The following PCDHA3 variants were observed in gnomAD, a reference collection of about 807,000 sequenced individuals.
PCDHA3 encodes protocadherin alpha 3, also known as protocadherin alpha-3.
In PCDHA3, 41 loss-of-function variants were observed where a neutral mutation model predicts 62.2. The ratio of observed to expected loss-of-function variants is 0.66; its 90% CI spans 0.51 to 0.86. PCDHA3 has a LOEUF of 0.86. PCDHA3 is among the 40% of genes least tolerant of loss of function. The pLI is 0.00. For missense variants in PCDHA3, 1,304 were observed against 1,241.2 expected (o/e 1.05, Z -0.76); for synonymous variants, 640 against 555.4 (o/e 1.15, Z -2.14).
In PCDHA3 at chr5:140,829,912, T is replaced by C. The variant is rs145708741; in HGVS notation, c.2394+26321T>C. ...CCGACTCAGGCTACAACGCGTGGCT[T>C]TCGTATGAGCTGCAGCCCCCGGCAA... On this transcript the variant is annotated intron_variant, in intron 1 of 3. Coordinates refer to ENST00000522353, the MANE Select transcript of PCDHA3 (RefSeq NM_018906.3). 24 of 1,613,880 alleles carry C rather than the reference T, an allele frequency of 1.5e-5. No individual in the cohort carries two copies. In the African/African-American group the frequency reaches 3.1e-4, roughly 21 times the overall value.
chr5:140,876,644 C>T, intron 1 of PCDHA3: 2 of 1,614,200 alleles, frequency 1.2e-6, no homozygotes, highest in South Asian at 1.1e-5. Context: ...TCACTGACAC[C>T]TCATGTTCCC....
intron 1 of PCDHA3, among the ~76,000 whole-genome samples, chr5:140,938,121 A>T (rs981387543): frequency 2.0e-5 from 3 of 151,892 alleles, no homozygotes; most frequent in Admixed American, 6.6e-5. Context: ...CTCTTTTTTT[A>T]AAAAAATAGA....
At chr5:140,943,592 T>C (rs900549060) in intron 1 of PCDHA3, among the ~76,000 whole-genome samples, 2 of 152,152 alleles carry the variant, frequency 1.3e-5, no homozygotes, top group African/African-American at 2.4e-5. Flanking sequence ...TGGGGCTGAA[T>C]TCTAAATATA....
chr5:140,890,173 C>T (rs1188650558), intron 1 of PCDHA3, among the ~76,000 whole-genome samples: 4 of 152,114 alleles, frequency 2.6e-5, no homozygotes, highest in African/African-American at 7.2e-5. Context: ...CAGAAATAGG[C>T]AAATGCTACA....
intron 1 of PCDHA3, among the ~76,000 whole-genome samples, chr5:140,933,444 A>T (rs1478759836): frequency 1.3e-5 from 2 of 152,184 alleles, no homozygotes; most frequent in African/African-American, 4.8e-5. Flanking sequence ...CTAATGACAT[A>T]CCTTCAAAAT....
chr5:140,913,942 T>A (rs1489221369), intron 1 of PCDHA3, among the ~76,000 whole-genome samples: 10 of 152,198 alleles, frequency 6.6e-5, no homozygotes, highest in African/African-American at 2.4e-4. Flanking sequence ...GAGAAGAATC[T>A]TGATATGATA....
At chr5:140,841,435 G>A (rs2150315414) in intron 1 of PCDHA3, 1 of 1,612,844 alleles carries the variant, frequency 6.2e-7, no homozygotes, top group South Asian at 1.1e-5. Context: ...TCCCCGAGGA[G>A]GCCAAACACG....
chr5:140,849,665 G>T (rs1255665975), intron 1 of PCDHA3: 1 of 1,598,534 alleles, frequency 6.3e-7, no homozygotes, highest in East Asian at 2.2e-5. Flanking sequence ...GCTCCCTGAC[G>T]CCCCACGTCC....
rs372608018 is a variant in PCDHA3, at chr5:140,875,736, T to C, written c.2394+72145T>C. The C allele has an allele frequency of 2.5e-6, 4 of 1,614,088 alleles. No homozygotes were observed. The African/African-American group carries it at 4.0e-5, about 16-fold the overall frequency. ...AGAATGGCATTTTGTTTGTGAATTCTCGGATCGACCGCGAGAAGCTGTGCG... is the reference window on the plus strand; with the variant it reads ...AGAATGGCATTTTGTTTGTGAATTCCCGGATCGACCGCGAGAAGCTGTGCG... On this transcript the variant is annotated intron_variant, in intron 1 of 3. Transcript: ENST00000522353.
At chr5:140,828,749 C>T (rs2150158539) in intron 1 of PCDHA3, 1 of 1,614,192 alleles carries the variant, frequency 6.2e-7, no homozygotes, top group South Asian at 1.1e-5. Flanking sequence ...TGGGGGCAAA[C>T]CTGAGCTCAC....
At position 140,836,671 on chromosome 5, in the gene PCDHA3, G is replaced by A. The variant is rs146098956; in HGVS notation, c.2394+33080G>A. The A allele has an allele frequency of 1.4e-5, 22 of 1,613,282 alleles. No individual in the cohort carries two copies. The African/African-American group carries it at 2.8e-4, about 21-fold the overall frequency. On this transcript the variant is annotated intron_variant, in intron 1 of 3. Coordinates refer to ENST00000522353, the MANE Select transcript of PCDHA3 (RefSeq NM_018906.3). ...CGGCAGAGGGTGTGCTCTGGGGAGG[G>A]CCCACCCAAGACAGACCTCATGGCC...
chr5:140,888,558 C>T (rs782768307), intron 1 of PCDHA3, among the ~76,000 whole-genome samples: 6 of 152,188 alleles, frequency 3.9e-5, no homozygotes, highest in Non-Finnish European at 7.3e-5. Flanking sequence ...TTATTCCTTT[C>T]AAGGCTTCAT....
At chr5:140,965,490 C>G (rs115003344) in intron 1 of PCDHA3, among the ~76,000 whole-genome samples, 2,488 of 148,960 alleles carry the variant, frequency 0.017, 68 homozygotes, top group African/African-American at 0.057. Context: ...TGCTTAATGA[C>G]AGCAGATTTT....
intron 1 of PCDHA3, chr5:140,857,580 C>A (rs782567056): frequency 6.3e-7 from 1 of 1,596,630 alleles, no homozygotes; most frequent in South Asian, 1.1e-5. Context: ...TCGGTGCACG[C>A]GGAGAGCGGC....
intron 1 of PCDHA3, chr5:140,807,244 T>C: frequency 6.2e-7 from 1 of 1,614,190 alleles, no homozygotes; most frequent in Non-Finnish European, 8.5e-7. Flanking sequence ...TCTTACTTCT[T>C]CTCCTCGCAG....
intron 1 of PCDHA3, chr5:140,929,415 C>A: frequency 6.6e-7 from 1 of 1,504,268 alleles, no homozygotes; most frequent in Non-Finnish European, 8.9e-7. Context: ...CCTTTCACAA[C>A]ATTTCATCAA....
rs1364522984 is a variant in PCDHA3 at position 140,856,543 on chromosome 5, A to G, written c.2394+52952A>G. 5.0e-6 allele frequency: 8 copies of G among 1,598,190 alleles called. No homozygotes were observed. In the African/African-American group the frequency reaches 6.7e-5, roughly 13 times the overall value. The stretch of plus-strand genomic sequence containing the variant: ...CTGATGCGGATGTTGGAGAGAACGC[A>G]TTGCTTACTTACAAACTCAGTCCAA... On this transcript the variant is annotated intron_variant, in intron 1 of 3. Transcript: ENST00000522353.
intron 1 of PCDHA3, chr5:140,843,920 A>G (rs1365256690): frequency 1.6e-6 from 1 of 607,552 alleles, no homozygotes; most frequent in Non-Finnish European, 2.8e-6. Context: ...GTCTATCTTG[A>G]AACTCAAGTT....
chr5:140,849,189 G>C, intron 1 of PCDHA3: 1 of 1,056,674 alleles, frequency 9.5e-7, no homozygotes, highest in Non-Finnish European at 1.3e-6. Context: ...ACTCATCACG[G>C]TACTGGACAA....
Sources: allele counts gnomAD v4.1 joint callset (sites outside exome capture counted in the v4.1 genomes callset), GRCh38; gene constraint gnomAD v4.1.1; transcripts MANE v1.5; gene names NCBI Gene and HGNC (gene_info 2026-07-23, HGNC 2026-07-21).